The following CCDC93 variants were observed in gnomAD, a reference collection of about 807,000 sequenced individuals.
CCDC93 encodes CCC complex scaffolding subunit CCDC93.
Under a neutral mutation model 108.2 loss-of-function variants are expected in CCDC93, and 61 were observed. The ratio of observed to expected loss-of-function variants is 0.56; its 90% CI spans 0.46 to 0.70. The LOEUF is 0.70. Among genes scored for constraint, CCDC93 ranks in the 30% least tolerant of loss-of-function variants. The probability of loss-of-function intolerance (pLI) is 0.00; values close to 1 mark genes in which losing one functional copy is unlikely to be tolerated. For synonymous variants in CCDC93, 276 were observed against 260.4 expected (o/e 1.06, Z -0.58); for missense variants, 685 against 764.2 (o/e 0.90, Z 1.22).
At position 117,920,090 on chromosome 2, in the gene CCDC93, C is replaced by G. The variant is rs953268520; in HGVS notation, c.*253G>C. 6 of 363,702 alleles carry G rather than the reference C, an allele frequency of 1.6e-5. No homozygotes were observed. In the East Asian group the frequency reaches 2.4e-4, roughly 15 times the overall value. The allele number at this position is 363,702 out of a possible 1,614,324, so 22.5% of individuals were successfully genotyped here. A position where few individuals can be genotyped will look rare whatever the true frequency, so the allele number is the denominator to read the frequency against. ...ACTGGAGACATAAAAGTTGAATCAA[C>G]AGAGAACAAGTACTCCCTATATTCT... On this transcript the variant is annotated 3_prime_UTR_variant, in exon 24 of 24. Coordinates refer to ENST00000376300, the MANE Select transcript of CCDC93 (RefSeq NM_019044.5).
intron 16 of CCDC93, among the ~76,000 whole-genome samples, chr2:117,945,935 G>A (rs1333144605): frequency 6.6e-6 from 1 of 152,174 alleles, no homozygotes; most frequent in Non-Finnish European, 1.5e-5. Flanking sequence ...GAGCTTTAAA[G>A]GTTTAAAGTT....
chr2:118,000,238 T>C (rs960507939), intron 4 of CCDC93: 1 of 152,350 alleles, frequency 6.6e-6, no homozygotes, highest in Admixed American at 6.5e-5. Flanking sequence ...AGGAAAGGAA[T>C]GTGGCCGTAG....
chr2:117,941,618 G>C (rs546253949), intron 18 of CCDC93, among the ~76,000 whole-genome samples: 50 of 152,254 alleles, frequency 3.3e-4, no homozygotes, highest in African/African-American at 1.2e-3. Flanking sequence ...AAGGAGTCTA[G>C]AATAGCCAGC....
chr2:117,938,398 A>C (rs1678587435), intron 20 of CCDC93, among the ~76,000 whole-genome samples: 1 of 152,222 alleles, frequency 6.6e-6, no homozygotes, highest in African/African-American at 2.4e-5. Context: ...ATTTAACCTG[A>C]GTTTTTAAAT....
At chr2:117,983,808 G>T (rs1391193923) in intron 7 of CCDC93, among the ~76,000 whole-genome samples, 2 of 152,044 alleles carry the variant, frequency 1.3e-5, no homozygotes, top group African/African-American at 4.8e-5. Context: ...ACACACACTT[G>T]TTGGGGCTGT....
intron 11 of CCDC93, among the ~76,000 whole-genome samples, chr2:117,961,114 G>GT (rs1211975497): frequency 6.6e-6 from 1 of 151,946 alleles, no homozygotes; most frequent in Non-Finnish European, 1.5e-5. Context: ...CAGTCAATGG[G>GT]GTGGGCTCAC....
chr2:118,010,868 TC>T (rs1677004780), intron 1 of CCDC93, among the ~76,000 whole-genome samples: 1 of 152,142 alleles, frequency 6.6e-6, no homozygotes, highest in African/African-American at 2.4e-5. Context: ...TGCAACACCA[TC>T]CCTCACAAGT....
chr2:117,959,471 A>C (rs1202977387), intron 11 of CCDC93, among the ~76,000 whole-genome samples: 2 of 152,242 alleles, frequency 1.3e-5, no homozygotes, highest in African/African-American at 4.8e-5. Context: ...TGAATGTTTT[A>C]ACAGTGTCCT....
At chr2:117,992,022 C>T (rs914499796) in intron 6 of CCDC93, among the ~76,000 whole-genome samples, 4 of 152,010 alleles carry the variant, frequency 2.6e-5, no homozygotes, top group South Asian at 2.1e-4. Context: ...TGACAGAGCT[C>T]GCTAAGAAAC....
At position 117,919,721 on chromosome 2, in the gene CCDC93, C is replaced by T. The variant is rs570402092; in HGVS notation, c.*622G>A. The T allele has an allele frequency of 1.3e-5, 2 of 152,216 alleles. No homozygotes were observed. Among genetic ancestry groups the T allele is most frequent in the East Asian group, 3.9e-4 (2 of 5,194 alleles). 9.4% of individuals were successfully genotyped at this position (152,216 alleles called of 1,614,324 possible). On this transcript the variant is annotated 3_prime_UTR_variant, in exon 24 of 24. Transcript: ENST00000376300. ...TGAACTTTCGTTCCAGTTGCTGTCA[C>T]CACCAAGCCTGCTGGCTGGCACCTG... is the stretch of plus-strand genomic sequence containing the variant.
At chr2:117,963,473 G>A (rs1679458205) in intron 11 of CCDC93, among the ~76,000 whole-genome samples, 1 of 152,202 alleles carries the variant, frequency 6.6e-6, no homozygotes, top group African/African-American at 2.4e-5. Flanking sequence ...ACTGCAGATA[G>A]GAGGGAATCA....
chr2:117,995,526 A>T, intron 5 of CCDC93, 24 bp from the exon 6 acceptor site: 1 of 1,590,152 alleles, frequency 6.3e-7, no homozygotes, highest in Non-Finnish European at 8.6e-7. Context: ...CAGAGCGATT[A>T]AACAAATCCC....
chr2:118,003,720 G>A (rs541592212), intron 3 of CCDC93, among the ~76,000 whole-genome samples: 1 of 152,118 alleles, frequency 6.6e-6, no homozygotes, highest in African/African-American at 2.4e-5. Context: ...AGGCTATCAC[G>A]GGTCATCCTA....
At chr2:118,011,034 CGA>C (rs906830616) in intron 1 of CCDC93, among the ~76,000 whole-genome samples, 6 of 152,230 alleles carry the variant, frequency 3.9e-5, no homozygotes, top group African/African-American at 1.4e-4. Context: ...GATTGATTAA[CGA>C]GAGGACTATA....
chr2:117,955,160 C>T (rs1378842679), intron 12 of CCDC93, among the ~76,000 whole-genome samples: 1 of 152,108 alleles, frequency 6.6e-6, no homozygotes, highest in African/African-American at 2.4e-5. Flanking sequence ...TTGCAAAGTG[C>T]TTAGTAATTA....
chr2:117,954,490 G>A (rs1402999031), intron 12 of CCDC93, among the ~76,000 whole-genome samples: 1 of 152,110 alleles, frequency 6.6e-6, no homozygotes, highest in Non-Finnish European at 1.5e-5. Flanking sequence ...AAGTGTCCCA[G>A]TAGCTTAGCT....
chr2:117,970,115 A>G (rs1465425526), intron 11 of CCDC93, among the ~76,000 whole-genome samples: 3 of 152,240 alleles, frequency 2.0e-5, no homozygotes, highest in Non-Finnish European at 4.4e-5. Flanking sequence ...AAAACAAATC[A>G]AGCAAATAAC....
chr2:117,945,355 C>G (rs1440970144), intron 17 of CCDC93, among the ~76,000 whole-genome samples, 174 bp downstream of exon 17: 1 of 152,150 alleles, frequency 6.6e-6, no homozygotes, highest in Non-Finnish European at 1.5e-5. Flanking sequence ...CTGGTGAGAC[C>G]CTGCCTCCAT....
At chr2:118,002,307 C>A (rs76604273) in intron 3 of CCDC93, among the ~76,000 whole-genome samples, 331 of 152,316 alleles carry the variant, frequency 2.2e-3, no homozygotes, top group Non-Finnish European at 2.8e-3. Flanking sequence ...AGATGAACAT[C>A]TGACTCAGGG....
Sources: allele counts gnomAD v4.1 joint callset (sites outside exome capture counted in the v4.1 genomes callset), GRCh38; gene constraint gnomAD v4.1.1; transcripts MANE v1.5; gene names NCBI Gene and HGNC (gene_info 2026-07-23, HGNC 2026-07-21).